NDST3: variants seen among roughly 807,000 people sequenced by gnomAD.
NDST3 encodes the protein N-deacetylase and N-sulfotransferase 3.
Under a neutral mutation model 96.1 loss-of-function variants are expected in NDST3, and 58 were observed. The ratio of observed to expected loss-of-function variants is 0.60; its 90% CI spans 0.49 to 0.75. The LOEUF (loss-of-function observed/expected upper bound fraction) is 0.75. Ranked by LOEUF, NDST3 falls within the 30% of genes least tolerant of loss-of-function variation. The pLI, the probability that NDST3 is intolerant of heterozygous loss-of-function variation, is 0.00. For missense variants in NDST3, 788 were observed against 1,034.2 expected, an observed-to-expected ratio of 0.76 and a Z score of 3.27; for synonymous variants, 333 against 359.7, an observed-to-expected ratio of 0.93 and a Z score of 0.84.
intron 8 of NDST3, among the ~76,000 whole-genome samples, chr4:118,229,102 A>G (rs942406206): frequency 1.3e-5 from 2 of 152,088 alleles, no homozygotes; most frequent in Non-Finnish European, 2.9e-5. Context: ...GGAGTTCGAC[A>G]CCACCCTGAA....
intron 11 of NDST3, 146 bp downstream of exon 11, chr4:118,240,840 G>C: frequency 2.9e-6 from 2 of 688,290 alleles, no homozygotes; most frequent in Non-Finnish European, 4.6e-6. Context: ...AAGAGAAATA[G>C]GCAGAAGTAG....
chr4:118,210,184 A>T (rs1738692001), intron 6 of NDST3, among the ~76,000 whole-genome samples: 1 of 151,976 alleles, frequency 6.6e-6, no homozygotes, highest in South Asian at 2.1e-4. Flanking sequence ...TCCACGGGAG[A>T]ACAGAGGGGT....
chr4:118,117,132 T>G (rs1308125356), intron 4 of NDST3, among the ~76,000 whole-genome samples: 5 of 152,190 alleles, frequency 3.3e-5, no homozygotes, highest in Admixed American at 3.3e-4. Context: ...ACCAAATATA[T>G]TATTTAGTGT....
chr4:118,247,983 T>C (rs985876136), intron 12 of NDST3, among the ~76,000 whole-genome samples: 1 of 152,178 alleles, frequency 6.6e-6, no homozygotes, highest in Non-Finnish European at 1.5e-5. Context: ...CATACTTTAG[T>C]CTTCTAAGTG....
At chr4:118,186,412 T>C (rs183087387) in intron 6 of NDST3, among the ~76,000 whole-genome samples, 2 of 152,294 alleles carry the variant, frequency 1.3e-5, no homozygotes, top group Admixed American at 6.5e-5. Context: ...GGTCTCACAA[T>C]AGGCCGTCTG....
rs960882387 is a variant in NDST3, at chr4:118,247,661, A to T, written c.2399+5512A>T. ...ATATGGGTTTTGGAAGGATAGTGGA[A>T]ATGTTCTAAAACTGGATTGTGGTGA... On this transcript the variant is annotated intron_variant, in intron 12 of 13. Coordinates refer to ENST00000296499, the MANE Select transcript of NDST3 (RefSeq NM_004784.3). Among the ~76,000 whole-genome samples the T allele has an allele frequency of 2.6e-5, 4 of 152,226 alleles. No individual in the cohort carries two copies. The South Asian group carries it at 8.3e-4, about 31-fold the overall frequency.
chr4:118,102,146 A>T (rs1729815383), intron 2 of NDST3, among the ~76,000 whole-genome samples: 1 of 152,096 alleles, frequency 6.6e-6, no homozygotes, highest in African/African-American at 2.4e-5. Context: ...ATTATTTTTA[A>T]TTAGAAAAAA....
intron 6 of NDST3, among the ~76,000 whole-genome samples, chr4:118,166,853 CATG>C (rs1297300670): frequency 1.3e-5 from 2 of 151,806 alleles, no homozygotes; most frequent in Non-Finnish European, 2.9e-5. Flanking sequence ...AATATGATTT[CATG>C]ATAAAAACTT....
intron 12 of NDST3, among the ~76,000 whole-genome samples, chr4:118,244,795 T>C (rs1741211194): frequency 1.3e-5 from 2 of 152,178 alleles, no homozygotes. Flanking sequence ...AAGAAAGCGT[T>C]CAAGACTTTT....
intron 6 of NDST3, among the ~76,000 whole-genome samples, chr4:118,221,229 C>G (rs1310757982): frequency 6.6e-6 from 1 of 152,012 alleles, no homozygotes; most frequent in Non-Finnish European, 1.5e-5. Flanking sequence ...GCTGTAACCT[C>G]TCTTCTACCT....
chr4:118,112,916 G>T (rs528896041), intron 3 of NDST3, among the ~76,000 whole-genome samples: 13 of 152,100 alleles, frequency 8.5e-5, no homozygotes, highest in African/African-American at 3.1e-4. Flanking sequence ...TAATGATTTG[G>T]TCAGTTCTTG....
chr4:118,047,272 C>T (rs921000931), intron 1 of NDST3, among the ~76,000 whole-genome samples: 8 of 152,182 alleles, frequency 5.3e-5, no homozygotes, highest in Non-Finnish European at 1.2e-4. Flanking sequence ...ACTCAAATTA[C>T]GTCATTGTTA....
intron 4 of NDST3, among the ~76,000 whole-genome samples, chr4:118,124,678 G>A (rs1731893618): frequency 6.6e-6 from 1 of 151,936 alleles, no homozygotes; most frequent in African/African-American, 2.4e-5. Context: ...GCTATTTTGA[G>A]ATATTGAAAG....
At chr4:118,136,873 G>A (rs944905521) in intron 4 of NDST3, among the ~76,000 whole-genome samples, 6 of 152,140 alleles carry the variant, frequency 3.9e-5, no homozygotes, top group Admixed American at 3.9e-4. Flanking sequence ...TAGAAGATGA[G>A]GCTATATAGG....
chr4:118,151,191 A>T (rs1188325624), intron 6 of NDST3, among the ~76,000 whole-genome samples: 3 of 152,184 alleles, frequency 2.0e-5, no homozygotes, highest in Admixed American at 6.5e-5. Context: ...GAACAATGAG[A>T]ACACATGGAC....
intron 12 of NDST3, among the ~76,000 whole-genome samples, chr4:118,252,290 C>G (rs1444381314): frequency 6.6e-6 from 1 of 152,038 alleles, no homozygotes; most frequent in Admixed American, 6.6e-5. Flanking sequence ...AAAGAAAAGG[C>G]CCTAAACCGA....
At chr4:118,194,110 G>A in intron 6 of NDST3, 2 of 1,325,020 alleles carry the variant, frequency 1.5e-6, no homozygotes, top group South Asian at 2.3e-5. Context: ...CAAAAGCATA[G>A]CTGGGTTTGA....
chr4:118,092,250 T>C (rs1391199059), intron 2 of NDST3, among the ~76,000 whole-genome samples: 1 of 150,848 alleles, frequency 6.6e-6, no homozygotes, highest in Non-Finnish European at 1.5e-5. Context: ...ACAAGGAAAC[T>C]AAGATTCGGG....
chr4:118,233,165 A>G, intron 9 of NDST3, 30 bp downstream of exon 9: 1 of 1,590,716 alleles, frequency 6.3e-7, no homozygotes, highest in Non-Finnish European at 8.6e-7. Flanking sequence ...TAAATCTAAA[A>G]GTATATGTAC....
Sources: allele counts gnomAD v4.1 joint callset (sites outside exome capture counted in the v4.1 genomes callset), GRCh38; gene constraint gnomAD v4.1.1; transcripts MANE v1.5; gene names NCBI Gene and HGNC (gene_info 2026-07-23, HGNC 2026-07-21).